DRC3: variants seen among roughly 807,000 people sequenced by gnomAD.
DRC3 encodes dynein regulatory complex subunit 3.
DRC3 carries 45 observed loss-of-function variants against 57.6 expected under a neutral mutation model. The observed-to-expected ratio is 0.78, with a 90% CI of 0.62 to 1.00. DRC3 has a LOEUF of 1.00. Among genes scored for constraint, DRC3 ranks in the 50% least tolerant of loss-of-function variants. The pLI, the probability that DRC3 is intolerant of heterozygous loss-of-function variation, is 0.00. For missense variants in DRC3, 655 were observed against 675.2 expected (o/e 0.97, Z 0.33); for synonymous variants, 257 against 272.3 (o/e 0.94, Z 0.55).
chr17:17,975,517 C>A (rs564851867), intron 2 of DRC3, among the ~76,000 whole-genome samples: 3 of 130,834 alleles, frequency 2.3e-5, no homozygotes, highest in African/African-American at 8.5e-5. Context: ...ACCTCCCCAC[C>A]CCCCCCCCAA....
chr17:17,992,762 C>A lies in DRC3; in HGVS notation c.445-3C>A, dbSNP rs1429154875. 2 of 1,612,184 alleles carry A rather than the reference C, an allele frequency of 1.2e-6. No homozygotes were observed. Among genetic ancestry groups the A allele is most frequent in the Admixed American group, 1.7e-5 (1 of 59,660 alleles). On this transcript the variant is annotated splice_region_variant and splice_polypyrimidine_tract_variant and intron_variant, in intron 5 of 13. Transcript: ENST00000399187. ...ATGGGCCTTTCTCCCTTTTTCTCCC[C>A]AGATCATCTACCTCCGGCGGTTCAA...
At chr17:18,015,832 A>T in intron 12 of DRC3, 4 of 478,184 alleles carry the variant, frequency 8.4e-6, no homozygotes, top group Non-Finnish European at 1.5e-5. Flanking sequence ...CTGCAAAGTA[A>T]CACCCTGGTT....
intron 9 of DRC3, among the ~76,000 whole-genome samples, chr17:18,002,277 C>T (rs191573863): frequency 1.3e-5 from 2 of 152,244 alleles, no homozygotes; most frequent in Admixed American, 6.5e-5. Context: ...AGGTAGGGAT[C>T]GAGCCTGGTT....
At chr17:17,979,104 T>C (rs1434440693) in intron 3 of DRC3, among the ~76,000 whole-genome samples, 1 of 151,994 alleles carries the variant, frequency 6.6e-6, no homozygotes, top group Admixed American at 6.5e-5. Flanking sequence ...AAGGTAACAA[T>C]TTAGCAACAA....
chr17:18,007,327 TG>T, intron 12 of DRC3, 180 bp downstream of exon 12: 1 of 1,455,374 alleles, frequency 6.9e-7, no homozygotes, highest in Non-Finnish European at 9.4e-7. Flanking sequence ...ACAAAGCACC[TG>T]GTGGGGCACC....
chr17:17,994,539 C>T (rs975602690), intron 7 of DRC3, 121 bp downstream of exon 7: 1 of 1,353,852 alleles, frequency 7.4e-7, no homozygotes, highest in Non-Finnish European at 9.9e-7. Flanking sequence ...ATGCTCCCTC[C>T]ACAGGGCCTG....
rs184840189 is a variant in DRC3, at chr17:17,977,570, G to T, written c.-17-12G>T. The T allele has an allele frequency of 7.1e-4, 1,139 of 1,613,758 alleles. No individual in the cohort carries two copies. The highest frequency in any genetic ancestry group is 9.4e-4 in the Non-Finnish European group (1,108 of 1,179,772). On this transcript the variant is annotated splice_polypyrimidine_tract_variant and intron_variant, in intron 2 of 13. Coordinates refer to ENST00000399187, the MANE Select transcript of DRC3 (RefSeq NM_031294.4). ...GAAGCAGGCCGTGAAGGAAGAATGC[G>T]GTGTTTTTTAGGGAAAACGTGGGGG...
intron 4 of DRC3, among the ~76,000 whole-genome samples, chr17:17,984,545 A>C (rs138431427): frequency 6.6e-6 from 1 of 152,248 alleles, no homozygotes; most frequent in Non-Finnish European, 1.5e-5. Flanking sequence ...GGTGAGGGGC[A>C]ATGGGTCCCT....
At chr17:17,982,737 G>A (rs2042762543) in intron 3 of DRC3, among the ~76,000 whole-genome samples, 1 of 151,632 alleles carries the variant, frequency 6.6e-6, no homozygotes, top group African/African-American at 2.4e-5. Flanking sequence ...ACCACGCCCA[G>A]CCAATTTTTT....
intron 3 of DRC3, among the ~76,000 whole-genome samples, chr17:17,978,996 C>T (rs1019217806): frequency 3.9e-5 from 6 of 151,994 alleles, no homozygotes; most frequent in South Asian, 2.1e-4. Flanking sequence ...ATTTGCTAAA[C>T]GTAATATGTG....
intron 9 of DRC3, among the ~76,000 whole-genome samples, chr17:17,999,786 G>A (rs1446642472): frequency 6.6e-6 from 1 of 152,260 alleles, no homozygotes; most frequent in Non-Finnish European, 1.5e-5. Context: ...CTGGAGCAGA[G>A]TCAGCCCAAA....
intron 12 of DRC3, among the ~76,000 whole-genome samples, chr17:18,013,586 A>G (rs2044244751): frequency 6.6e-6 from 1 of 152,216 alleles, no homozygotes; most frequent in Non-Finnish European, 1.5e-5. Flanking sequence ...GAAGCTAAAA[A>G]AGTTGATCTC....
At chr17:17,979,639 G>A (rs2042558124) in intron 3 of DRC3, among the ~76,000 whole-genome samples, 1 of 152,190 alleles carries the variant, frequency 6.6e-6, no homozygotes, top group African/African-American at 2.4e-5. Flanking sequence ...CTGACACCTG[G>A]GAAAAAGCCG....
intron 9 of DRC3, among the ~76,000 whole-genome samples, chr17:18,000,028 ATGTG>A (rs146898487): frequency 0.063 from 7,431 of 117,306 alleles, 249 homozygotes; most frequent in Middle Eastern, 0.14. Flanking sequence ...TTGCTTTCCT[ATGTG>A]TGTGTGCGTG....
intron 3 of DRC3, chr17:17,981,494 C>T: frequency 6.5e-6 from 1 of 154,914 alleles, no homozygotes; most frequent in Non-Finnish European, 1.4e-5. Flanking sequence ...GCCATGCAAG[C>T]TGCATGCATA....
At chr17:18,007,862 TCAC>T (rs1168981473) in intron 12 of DRC3, 1 of 1,009,470 alleles carries the variant, frequency 9.9e-7, no homozygotes, top group African/African-American at 1.7e-5. Flanking sequence ...TGTCGCGACA[TCAC>T]CACCAAGGCA....
chr17:18,001,010 G>T (rs560304548), intron 9 of DRC3, among the ~76,000 whole-genome samples: 1 of 151,784 alleles, frequency 6.6e-6, no homozygotes, highest in African/African-American at 2.4e-5. Flanking sequence ...AGCAATCCTC[G>T]TGCCTCAGCC....
rs1422174528 is a variant in DRC3, at chr17:17,977,726, AGGAT to A, written c.130_133del (p.Asp44SerfsTer14). ...GCCAAGCAGGAGGGCATCCTCTTCAAGGATGTCCTGTCCCTGCAGCTGGACTTTC... is the reference window on the plus strand; with the variant it reads ...GCCAAGCAGGAGGGCATCCTCTTCAAGTCCTGTCCCTGCAGCTGGACTTTC... On this transcript the variant is annotated frameshift_variant, in exon 3 of 14. Coordinates refer to ENST00000399187, the MANE Select transcript of DRC3 (RefSeq NM_031294.4). LOFTEE classifies it high-confidence loss of function. 6.2e-7 allele frequency: 1 copy of A among 1,612,158 alleles called. No individual in the cohort carries two copies. The highest frequency in any genetic ancestry group is 8.5e-7 in the Non-Finnish European group (1 of 1,179,006).
Position 18,016,167 on chromosome 17 carries a change from A to G in DRC3, c.1430A>G (p.Asn477Ser), listed in dbSNP as rs1319878117. Residue 477 changes from asparagine to serine, a missense_variant, in exon 13 of 14, where the codon AAC (asparagine) becomes AGC (serine). Physicochemically the swap from Asn to Ser is conservative, Grantham distance 46. Transcript: ENST00000399187. ...GAAGATGAGCTGGTGACCAGAATCAACTCTTGGTGTACACGTTTAATAGAC... is the reference window on the plus strand; with the variant it reads ...GAAGATGAGCTGGTGACCAGAATCAGCTCTTGGTGTACACGTTTAATAGAC... ...NREDELVTRINSWCTRLIDRI... is the reference protein window; with the variant it reads ...NREDELVTRISSWCTRLIDRI... 4.3e-6 allele frequency: 7 copies of G among 1,613,900 alleles called. No individual in the cohort carries two copies. The highest frequency in any genetic ancestry group is 5.1e-6 in the Non-Finnish European group (6 of 1,179,842).
Sources: allele counts gnomAD v4.1 joint callset (sites outside exome capture counted in the v4.1 genomes callset), GRCh38; gene constraint gnomAD v4.1.1; transcripts MANE v1.5; gene names NCBI Gene and HGNC (gene_info 2026-07-23, HGNC 2026-07-21).